The following ASTN1 variants were observed in gnomAD, a reference collection of about 807,000 sequenced individuals.
The protein encoded by ASTN1 is astrotactin-1.
In ASTN1, 41 loss-of-function variants were observed where a neutral mutation model predicts 140.7. That is an observed-to-expected ratio of 0.29 (90% confidence interval 0.23 to 0.38). ASTN1 has a LOEUF of 0.38. Ranked by LOEUF, ASTN1 falls within the 10% of genes least tolerant of loss-of-function variation. The pLI is 1.00. For synonymous variants in ASTN1, 640 were observed against 652.2 expected (o/e 0.98, Z 0.29); for missense variants, 1,479 against 1,678.8 (o/e 0.88, Z 2.08).
At chr1:177,152,919 C>G (rs1197267405) in intron 1 of ASTN1, among the ~76,000 whole-genome samples, 3 of 152,006 alleles carry the variant, frequency 2.0e-5, no homozygotes, top group African/African-American at 7.2e-5. Context: ...CAGAAATAGA[C>G]CCAAATGTAT....
intron 8 of ASTN1, among the ~76,000 whole-genome samples, chr1:176,977,843 T>C (rs1673431287): frequency 1.3e-5 from 2 of 152,170 alleles, no homozygotes; most frequent in African/African-American, 4.8e-5. Flanking sequence ...CTGTGAGTTA[T>C]CAGTACCCAC....
rs138946632 is a variant in ASTN1, at chr1:176,970,178, T to G, written c.1524-4941A>C. Among the ~76,000 whole-genome samples, 16 of 152,346 alleles carry G rather than the reference T, an allele frequency of 1.1e-4. No homozygotes were observed. The East Asian group carries it at 3.1e-3, about 29-fold the overall frequency. Reference sequence around the variant, plus strand: ...CTCCTCCCCTTTAGGACATATCCACTTTTGCAGGGATTTTTCCCTTAGTCT... The same window carrying G: ...CTCCTCCCCTTTAGGACATATCCACGTTTGCAGGGATTTTTCCCTTAGTCT... On this transcript the variant is annotated intron_variant, in intron 8 of 22. Transcript: ENST00000361833.
intron 1 of ASTN1, among the ~76,000 whole-genome samples, chr1:177,140,810 G>C (rs1333701697): frequency 2.6e-5 from 4 of 152,236 alleles, no homozygotes; most frequent in Admixed American, 1.3e-4. Context: ...GTTAAGAGCA[G>C]AGGCTTTGGG....
rs543546821 is a variant in ASTN1, at chr1:177,096,181, G to T, written c.284-34916C>A. Among the ~76,000 whole-genome samples, 271 of 152,292 alleles carry T rather than the reference G, an allele frequency of 1.8e-3. 2 individuals are homozygous for T. The highest frequency in any genetic ancestry group is 2.3e-3 in the Non-Finnish European group (159 of 68,028). ...TGTTTGATTTCACAGGTTCACAGCT[G>T]TAGAGAAATTTGCCTCAGGTTAAAT... On this transcript the variant is annotated intron_variant, in intron 1 of 22. Coordinates refer to ENST00000361833, the MANE Select transcript of ASTN1 (RefSeq NM_004319.3).
chr1:177,023,157 G>A (rs916662100), intron 7 of ASTN1, among the ~76,000 whole-genome samples: 2 of 152,144 alleles, frequency 1.3e-5, no homozygotes, highest in African/African-American at 4.8e-5. Context: ...GGTTATGGAA[G>A]TCATCCTAAA....
At chr1:176,962,505 C>T (rs948756942) in intron 9 of ASTN1, among the ~76,000 whole-genome samples, 2 of 152,164 alleles carry the variant, frequency 1.3e-5, no homozygotes, top group Non-Finnish European at 2.9e-5. Flanking sequence ...GACACCACTC[C>T]TTCCCTCAAG....
intron 2 of ASTN1, among the ~76,000 whole-genome samples, chr1:177,045,701 C>T (rs111286019): frequency 6.6e-6 from 1 of 152,204 alleles, no homozygotes; most frequent in Non-Finnish European, 1.5e-5. Context: ...CTTTAGCCAG[C>T]ATTTGTGAGA....
intron 16 of ASTN1, among the ~76,000 whole-genome samples, chr1:176,930,155 T>C (rs1283544827): frequency 6.6e-6 from 1 of 152,144 alleles, no homozygotes; most frequent in Non-Finnish European, 1.5e-5. Flanking sequence ...GTTGAAGACA[T>C]ACTTAGGTGG....
intron 1 of ASTN1, among the ~76,000 whole-genome samples, chr1:177,106,248 T>C (rs1439973007): frequency 6.6e-6 from 1 of 152,188 alleles, no homozygotes; most frequent in Non-Finnish European, 1.5e-5. Flanking sequence ...ATAGCTACTT[T>C]CTTAAATGTT....
chr1:177,138,415 G>A (rs1380955660), intron 1 of ASTN1, among the ~76,000 whole-genome samples: 3 of 152,164 alleles, frequency 2.0e-5, no homozygotes, highest in African/African-American at 7.2e-5. Flanking sequence ...TAATTACATC[G>A]GATACTTCCG....
intron 1 of ASTN1, among the ~76,000 whole-genome samples, chr1:177,088,254 G>A (rs1050832390): frequency 1.2e-4 from 18 of 152,142 alleles, no homozygotes; most frequent in African/African-American, 2.7e-4. Context: ...GGATGCTTGC[G>A]TGCCTGTCGC....
At chr1:176,883,674 C>T (rs1668905874) in intron 19 of ASTN1, among the ~76,000 whole-genome samples, 1 of 152,152 alleles carries the variant, frequency 6.6e-6, no homozygotes, top group African/African-American at 2.4e-5. Context: ...GGCAGGCTCA[C>T]CAGTAGCTGT....
At chr1:176,901,552 G>T (rs1381977328) in intron 16 of ASTN1, among the ~76,000 whole-genome samples, 1 of 152,156 alleles carries the variant, frequency 6.6e-6, no homozygotes, top group Non-Finnish European at 1.5e-5. Flanking sequence ...AGTCATACTG[G>T]GATTTGGCAT....
chr1:176,916,031 G>A (rs4652206), intron 16 of ASTN1, among the ~76,000 whole-genome samples: 20,194 of 152,110 alleles, frequency 0.13, 1,485 homozygotes, highest in Admixed American at 0.19. Context: ...CACCCAAATG[G>A]CTTTCAATGG....
At chr1:177,010,245 T>C (rs1306915350) in intron 8 of ASTN1, among the ~76,000 whole-genome samples, 1 of 152,144 alleles carries the variant, frequency 6.6e-6, no homozygotes, top group African/African-American at 2.4e-5. Context: ...ACTTTAATAG[T>C]CTGTGTTTAA....
chr1:176,991,908 TC>T (rs1282919814), intron 8 of ASTN1, among the ~76,000 whole-genome samples: 1 of 152,198 alleles, frequency 6.6e-6, no homozygotes, highest in Non-Finnish European at 1.5e-5. Flanking sequence ...ATCATAGTAT[TC>T]AAAGTGACTC....
Position 177,142,911 on chromosome 1 carries a change from A to G in ASTN1, c.283+21483T>C, listed in dbSNP as rs200655688. ...AAGGAGGAAAAAAAAAAAGGGGGGGAGGGGTGCTGAGTTTCAAGAGCCACA... is the reference window on the plus strand; with the variant it reads ...AAGGAGGAAAAAAAAAAAGGGGGGGGGGGGTGCTGAGTTTCAAGAGCCACA... On this transcript the variant is annotated intron_variant, in intron 1 of 22. Coordinates refer to ENST00000361833, the MANE Select transcript of ASTN1 (RefSeq NM_004319.3). 1.7e-3 allele frequency among the ~76,000 whole-genome samples: 175 copies of G among 103,148 alleles called. 1 individual carries two copies. The highest frequency in any genetic ancestry group is 0.011 in the African/African-American group (131 of 11,506). The allele number at this position is 103,148 out of a possible 152,430, so 67.7% of individuals were successfully genotyped here.
intron 4 of ASTN1, among the ~76,000 whole-genome samples, chr1:177,029,953 C>T (rs1018535033): frequency 1.8e-4 from 27 of 152,336 alleles, no homozygotes; most frequent in African/African-American, 6.3e-4. Flanking sequence ...CTCTACCCTG[C>T]CCCACCCACT....
intron 6 of ASTN1, among the ~76,000 whole-genome samples, chr1:177,024,215 C>T (rs1675980958): frequency 6.6e-6 from 1 of 152,190 alleles, no homozygotes; most frequent in South Asian, 2.1e-4. Context: ...CAAAGCATGG[C>T]TAATTCTTAA....
Sources: gnomAD v4.1 joint callset for allele counts (sites outside exome capture counted in the v4.1 genomes callset) on GRCh38, gnomAD v4.1.1 for gene constraint, MANE v1.5 for transcripts, NCBI Gene and HGNC (gene_info 2026-07-23, HGNC 2026-07-21) for gene names.